The following SLC36A1 variants were observed in gnomAD, a reference collection of about 807,000 sequenced individuals.
SLC36A1 encodes proton-coupled amino acid transporter 1.
In SLC36A1, 30 loss-of-function variants were observed where a neutral mutation model predicts 47.5. The observed-to-expected ratio is 0.63, with a 90% confidence interval of 0.47 to 0.86. The LOEUF (loss-of-function observed/expected upper bound fraction) is 0.86. Ranked by LOEUF, SLC36A1 falls within the 40% of genes least tolerant of loss-of-function variation. SLC36A1 has a pLI of 0.00. For synonymous variants in SLC36A1, 255 were observed against 249.7 expected (o/e 1.02, Z -0.20); for missense variants, 517 against 606.0 (o/e 0.85, Z 1.54).
the SLC36A1 span, chr5:151,527,509 C>G: frequency 2.5e-6 from 2 of 807,140 alleles, no homozygotes; most frequent in African/African-American, 3.5e-5. Flanking sequence ...ACTGCCCACC[C>G]GTAGCATTTT....
At chr5:151,384,279 C>T in the SLC36A1 span, among the ~76,000 whole-genome samples, 1 of 152,172 alleles carries the variant, frequency 6.6e-6, no homozygotes, top group African/African-American at 2.4e-5. Context: ...CTTTCAGTTT[C>T]CTTATCTGTG....
chr5:151,467,851 C>T lies in SLC36A1; in HGVS notation c.649C>T (p.Leu217=). Residue 217 remains leucine, a synonymous_variant, in exon 7 of 11, where the codon CTG becomes TTG. Transcript: ENST00000243389. ...GGTTTTCATCAGGAACCTCCGAGCC[C>T]TGTCCATCTTCTCCCTGTTGGCCAA... ...LLVFIRNLRA[L]SIFSLLANIT... 1 of 1,614,054 alleles carries T rather than the reference C, an allele frequency of 6.2e-7. No individual in the cohort carries two copies. Among genetic ancestry groups the T allele is most frequent in the Non-Finnish European group, 8.5e-7 (1 of 1,179,992 alleles).
chr5:151,479,925 C>T (rs1758584806), intron 10 of SLC36A1: 1 of 560,004 alleles, frequency 1.8e-6, no homozygotes, highest in Non-Finnish European at 3.1e-6. Flanking sequence ...CCTTTAGAGG[C>T]TTTATGATAG....
At chr5:151,544,549 G>C in the SLC36A1 span, 5 of 1,613,942 alleles carry the variant, frequency 3.1e-6, no homozygotes, top group Non-Finnish European at 8.5e-7. Flanking sequence ...CCGGGCCTGG[G>C]TGTGGAGAAT....
intron 2 of SLC36A1, among the ~76,000 whole-genome samples, chr5:151,459,298 A>G (rs1258094472): frequency 6.6e-6 from 1 of 152,224 alleles, no homozygotes; most frequent in Non-Finnish European, 1.5e-5. Context: ...CTCCCCCCGA[A>G]TTCTGCCCCA....
chr5:151,532,936 C>T, the SLC36A1 span, among the ~76,000 whole-genome samples: 1 of 152,220 alleles, frequency 6.6e-6, no homozygotes, highest in Non-Finnish European at 1.5e-5. Flanking sequence ...ACATGCCATG[C>T]AACTTCCCCA....
chr5:151,554,782 C>T, the SLC36A1 span: 1 of 861,424 alleles, frequency 1.2e-6, no homozygotes, highest in Non-Finnish European at 1.8e-6. Context: ...TGAGCTTGTA[C>T]TTTTTATTAT....
the SLC36A1 span, among the ~76,000 whole-genome samples, chr5:151,555,296 C>T: frequency 6.6e-6 from 1 of 151,572 alleles, no homozygotes; most frequent in South Asian, 2.1e-4. Flanking sequence ...TGTTACTGAA[C>T]TGTGGAGAAT....
the SLC36A1 span, chr5:151,504,119 TA>T: frequency 2.1e-4 from 31 of 150,400 alleles, no homozygotes; most frequent in East Asian, 3.9e-4. Flanking sequence ...ACTTTATTGT[TA>T]AAAAAAAAAT....
chr5:151,379,168 A>C, the SLC36A1 span, among the ~76,000 whole-genome samples: 3 of 152,200 alleles, frequency 2.0e-5, no homozygotes, highest in Non-Finnish European at 4.4e-5. Context: ...CAATGGTGGC[A>C]GAATTTGCAG....
chr5:151,445,089 A>C (rs1249282952), upstream of SLC36A1, among the ~76,000 whole-genome samples: 2 of 152,090 alleles, frequency 1.3e-5, no homozygotes, highest in Non-Finnish European at 2.9e-5. Flanking sequence ...TGTGTTTTTC[A>C]TAAACGACCT....
the SLC36A1 span, chr5:151,509,972 C>T: frequency 2.2e-5 from 36 of 1,600,418 alleles, no homozygotes; most frequent in Middle Eastern, 3.9e-4. Flanking sequence ...GAGTACAGAG[C>T]GCATTCCCTA....
the SLC36A1 span, among the ~76,000 whole-genome samples, chr5:151,367,403 G>C: frequency 1.5e-5 from 2 of 132,722 alleles, no homozygotes; most frequent in East Asian, 3.9e-4. Context: ...AATATTCCTT[G>C]CTAGGAAAAG....
At chr5:151,376,248 T>C in the SLC36A1 span, among the ~76,000 whole-genome samples, 1 of 152,246 alleles carries the variant, frequency 6.6e-6, no homozygotes, top group Non-Finnish European at 1.5e-5. Flanking sequence ...TCTATTAAGA[T>C]AATCATATTG....
chr5:151,452,034 T>C (rs1753733140), intron 1 of SLC36A1, among the ~76,000 whole-genome samples: 1 of 152,104 alleles, frequency 6.6e-6, no homozygotes, highest in East Asian at 1.9e-4. Flanking sequence ...AGCTTGACCT[T>C]CTCTAAAGCT....
the SLC36A1 span, among the ~76,000 whole-genome samples, chr5:151,374,477 G>A: frequency 6.6e-6 from 1 of 152,204 alleles, no homozygotes; most frequent in Admixed American, 6.5e-5. Flanking sequence ...TTCATCCATT[G>A]ACAGACACTT....
At chr5:151,555,617 G>T in the SLC36A1 span, among the ~76,000 whole-genome samples, 3 of 152,030 alleles carry the variant, frequency 2.0e-5, no homozygotes, top group African/African-American at 7.2e-5. Context: ...TGATCTGCCC[G>T]CCTCAGCCTC....
chr5:151,382,045 C>A, the SLC36A1 span: 1 of 682,134 alleles, frequency 1.5e-6, no homozygotes. Context: ...CCAGTCTTTG[C>A]CCTTCCTGTT....
chr5:151,368,745 C>A, the SLC36A1 span, among the ~76,000 whole-genome samples: 1 of 152,124 alleles, frequency 6.6e-6, no homozygotes. Context: ...GAGTTCCCAT[C>A]CTAAGAGTGT....
Sources: allele counts gnomAD v4.1 joint callset (sites outside exome capture counted in the v4.1 genomes callset), GRCh38; gene constraint gnomAD v4.1.1; transcripts MANE v1.5; gene names NCBI Gene and HGNC (gene_info 2026-07-23, HGNC 2026-07-21).